The following ARHGAP24 variants were observed in gnomAD, a reference collection of about 807,000 sequenced individuals.
The protein encoded by ARHGAP24 is rho GTPase-activating protein 24.
Under a neutral mutation model 76.4 loss-of-function variants are expected in ARHGAP24, and 50 were observed. The ratio of observed to expected loss-of-function variants is 0.65; its 90% CI spans 0.52 to 0.83. ARHGAP24 has a LOEUF of 0.83. ARHGAP24 is among the 40% of genes least tolerant of loss of function. ARHGAP24 has a pLI of 0.00. For missense variants in ARHGAP24, 930 were observed against 914.2 expected (o/e 1.02, Z -0.22); for synonymous variants, 345 against 323.3 (o/e 1.07, Z -0.72).
chr4:85,624,881 C>T (rs911146536), intron 2 of ARHGAP24, among the ~76,000 whole-genome samples: 1 of 152,220 alleles, frequency 6.6e-6, no homozygotes, highest in African/African-American at 2.4e-5. Context: ...GCAGTATTCT[C>T]TGATCGTAGT....
intron 3 of ARHGAP24, among the ~76,000 whole-genome samples, chr4:85,789,043 A>G (rs1452683): frequency 0.26 from 39,594 of 151,842 alleles, 5,454 homozygotes; most frequent in African/African-American, 0.31. Flanking sequence ...TTGTGGCTGG[A>G]GCCCCTAGAT....
chr4:85,603,168 A>G (rs1720086928), intron 2 of ARHGAP24, among the ~76,000 whole-genome samples: 1 of 152,240 alleles, frequency 6.6e-6, no homozygotes, highest in Non-Finnish European at 1.5e-5. Flanking sequence ...TACATAATTA[A>G]CATAGCCTTT....
intron 2 of ARHGAP24, among the ~76,000 whole-genome samples, chr4:85,612,121 C>CACACACACACAG (rs1050041217): frequency 7.0e-6 from 1 of 142,218 alleles, no homozygotes; most frequent in Non-Finnish European, 1.6e-5. Context: ...CACACACACA[C>CACACACACACAG]AGACCAGTGT....
At chr4:85,719,385 G>A (rs1724847669) in intron 2 of ARHGAP24, among the ~76,000 whole-genome samples, 1 of 152,152 alleles carries the variant, frequency 6.6e-6, no homozygotes, top group East Asian at 1.9e-4. Context: ...CATGGGGGGA[G>A]AGGAATACTT....
chr4:85,621,869 G>A (rs1045501797), intron 2 of ARHGAP24, among the ~76,000 whole-genome samples: 6 of 152,060 alleles, frequency 3.9e-5, no homozygotes, highest in East Asian at 1.9e-4. Flanking sequence ...TTTTTCCTAC[G>A]AATTCTTTAA....
At position 85,895,594 on chromosome 4, in the gene ARHGAP24, AC is replaced by A. The variant is rs376987308; in HGVS notation, c.269-28053del. Among the ~76,000 whole-genome samples the A allele has an allele frequency of 1.8e-3, 277 of 152,288 alleles. 1 individual carries two copies. The highest frequency in any genetic ancestry group is 6.4e-3 in the African/African-American group (266 of 41,586). On this transcript the variant is annotated intron_variant, in intron 3 of 9. Coordinates refer to ENST00000395184, the MANE Select transcript of ARHGAP24 (RefSeq NM_001025616.3). ...TGCAGCTATTGATGTTTCATGGTCT[AC>A]ATTAATAATGTTTTAAGGCAAAATT...
chr4:85,706,631 T>A (rs1724319136), intron 2 of ARHGAP24, among the ~76,000 whole-genome samples: 2 of 151,962 alleles, frequency 1.3e-5, no homozygotes, highest in African/African-American at 4.8e-5. Context: ...AGTGGCGTGA[T>A]CTCAGCTCAC....
intron 1 of ARHGAP24, among the ~76,000 whole-genome samples, chr4:85,489,866 G>A (rs1723288827): frequency 6.6e-6 from 1 of 152,106 alleles, no homozygotes; most frequent in Non-Finnish European, 1.5e-5. Flanking sequence ...GACCAAATAA[G>A]GAGCAATAAT....
At chr4:85,841,579 T>C (rs1730597673) in intron 3 of ARHGAP24, among the ~76,000 whole-genome samples, 1 of 152,260 alleles carries the variant, frequency 6.6e-6, no homozygotes, top group African/African-American at 2.4e-5. Flanking sequence ...GCTTTGCACA[T>C]TTGTTTATTT....
At chr4:85,715,828 T>C (rs546699626) in intron 2 of ARHGAP24, among the ~76,000 whole-genome samples, 6 of 152,242 alleles carry the variant, frequency 3.9e-5, no homozygotes, top group Admixed American at 1.3e-4. Context: ...CTCACCTTTA[T>C]GTTCTCTGTG....
In ARHGAP24 at chr4:85,841,605, T is replaced by A. The variant is rs145681371; in HGVS notation, c.269-82043T>A. ...TTGTTTATTTATTTTCATTTGTTTT[T>A]AGTGGAATCTTTCTTCAAATGACTT... On this transcript the variant is annotated intron_variant, in intron 3 of 9. Coordinates refer to ENST00000395184, the MANE Select transcript of ARHGAP24 (RefSeq NM_001025616.3). Among the ~76,000 whole-genome samples, 428 of 152,374 alleles carry A rather than the reference T, an allele frequency of 2.8e-3. 2 individuals carry two copies. Among genetic ancestry groups the A allele is most frequent in the Non-Finnish European group, 4.7e-3 (318 of 68,032 alleles).
At chr4:85,497,190 G>A (rs914996077) in intron 1 of ARHGAP24, among the ~76,000 whole-genome samples, 1 of 152,172 alleles carries the variant, frequency 6.6e-6, no homozygotes, top group Non-Finnish European at 1.5e-5. Context: ...AGTCACAGAT[G>A]TTGGTGAATA....
intron 2 of ARHGAP24, among the ~76,000 whole-genome samples, chr4:85,615,078 TTTCTC>T (rs1166126659): frequency 6.6e-6 from 1 of 151,946 alleles, no homozygotes; most frequent in Non-Finnish European, 1.5e-5. Context: ...ATAGAAGAAA[TTTCTC>T]TTCAATTTCA....
At chr4:85,489,567 T>C (rs764247658) in intron 1 of ARHGAP24, among the ~76,000 whole-genome samples, 61 of 152,200 alleles carry the variant, frequency 4.0e-4, no homozygotes, top group Admixed American at 6.5e-4. Flanking sequence ...ACTCTTCATC[T>C]GGAGCAAGGT....
chr4:85,783,153 G>A (rs141245114), intron 3 of ARHGAP24, among the ~76,000 whole-genome samples: 1 of 152,102 alleles, frequency 6.6e-6, no homozygotes, highest in Non-Finnish European at 1.5e-5. Context: ...GGAATTGGAG[G>A]ACAAGAAGGT....
At position 85,791,370 on chromosome 4, in the gene ARHGAP24, G is replaced by A. The variant is rs576356696; in HGVS notation, c.268+69398G>A. 3.9e-5 allele frequency among the ~76,000 whole-genome samples: 6 copies of A among 152,256 alleles called. No individual in the cohort carries two copies. In the South Asian group the frequency reaches 1.2e-3, roughly 32 times the overall value. On this transcript the variant is annotated intron_variant, in intron 3 of 9. Coordinates refer to ENST00000395184, the MANE Select transcript of ARHGAP24 (RefSeq NM_001025616.3). Reference sequence around the variant, plus strand: ...ATAAGAGGTACAAACGTAAAATATTGCTCTCTACTAAGTGATTAAGATTTG... The same window carrying A: ...ATAAGAGGTACAAACGTAAAATATTACTCTCTACTAAGTGATTAAGATTTG...
intron 1 of ARHGAP24, among the ~76,000 whole-genome samples, chr4:85,486,235 A>T (rs993740905): frequency 6.6e-6 from 1 of 151,642 alleles, no homozygotes; most frequent in Non-Finnish European, 1.5e-5. Flanking sequence ...TTTTGGGGGG[A>T]TATGTGATAC....
At chr4:85,732,723 C>T (rs1254359074) in intron 3 of ARHGAP24, among the ~76,000 whole-genome samples, 2 of 130,028 alleles carry the variant, frequency 1.5e-5, no homozygotes, top group East Asian at 2.3e-4. Flanking sequence ...GACAGAGTTT[C>T]GCTCTTGTTG....
At chr4:85,587,206 C>A (rs1447976214) in intron 2 of ARHGAP24, among the ~76,000 whole-genome samples, 1 of 152,104 alleles carries the variant, frequency 6.6e-6, no homozygotes, top group Non-Finnish European at 1.5e-5. Context: ...ATCACATTGA[C>A]CCCAAGTGGT....
Sources: allele counts gnomAD v4.1 joint callset (sites outside exome capture counted in the v4.1 genomes callset), GRCh38; gene constraint gnomAD v4.1.1; transcripts MANE v1.5; gene names NCBI Gene and HGNC (gene_info 2026-07-23, HGNC 2026-07-21).